Variants in GABRA5 observed in about 807,000 individuals in gnomAD.
GABRA5 encodes the protein gamma-aminobutyric acid receptor subunit alpha-5.
A neutral mutation model predicts 47.3 loss-of-function variants in GABRA5; 18 were observed. The ratio of observed to expected loss-of-function variants is 0.38; its 90% confidence interval spans 0.26 to 0.56. The LOEUF (loss-of-function observed/expected upper bound fraction) is 0.56. Ranked by LOEUF, GABRA5 falls within the 20% of genes least tolerant of loss-of-function variation. The pLI, the probability that GABRA5 is intolerant of heterozygous loss-of-function variation, is 0.71. For synonymous variants in GABRA5, 237 were observed against 229.3 expected (o/e 1.03, Z -0.30); for missense variants, 365 against 599.3 (o/e 0.61, Z 4.08).
intron 6 of GABRA5, among the ~76,000 whole-genome samples, chr15:26,907,647 A>C (rs1893477005): frequency 1.3e-5 from 2 of 152,202 alleles, no homozygotes; most frequent in South Asian, 4.1e-4. Context: ...GAATGGGACC[A>C]GTACACACGT....
intron 10 of GABRA5, among the ~76,000 whole-genome samples, chr15:26,944,080 A>G (rs968198614): frequency 3.9e-5 from 6 of 152,202 alleles, no homozygotes; most frequent in African/African-American, 1.2e-4. Flanking sequence ...CAAACACACA[A>G]ATCTCTGTAT....
At chr15:26,925,042 T>C (rs1003690419) in intron 7 of GABRA5, among the ~76,000 whole-genome samples, 1 of 152,026 alleles carries the variant, frequency 6.6e-6, no homozygotes, top group Non-Finnish European at 1.5e-5. Flanking sequence ...ATATTTATTT[T>C]TAGTGGGAGG....
chr15:26,913,991 G>A (rs1030384898), intron 6 of GABRA5, among the ~76,000 whole-genome samples: 1 of 152,088 alleles, frequency 6.6e-6, no homozygotes, highest in Non-Finnish European at 1.5e-5. Context: ...AACTGAGATG[G>A]TTATAGCACC....
chr15:26,932,908 G>C (rs1187311354), intron 7 of GABRA5, among the ~76,000 whole-genome samples: 1 of 152,122 alleles, frequency 6.6e-6, no homozygotes, highest in African/African-American at 2.4e-5. Flanking sequence ...AGAACAGATG[G>C]ACACAGGGTG....
intron 6 of GABRA5, among the ~76,000 whole-genome samples, chr15:26,908,768 C>G (rs1236474349): frequency 6.6e-6 from 1 of 152,198 alleles, no homozygotes; most frequent in Non-Finnish European, 1.5e-5. Flanking sequence ...AGCTGAGGCA[C>G]AGCATGCTGT....
chr15:26,888,140 G>A (rs1371341774), intron 6 of GABRA5, among the ~76,000 whole-genome samples: 2 of 152,200 alleles, frequency 1.3e-5, no homozygotes, highest in Non-Finnish European at 2.9e-5. Flanking sequence ...CAGTGAGCCC[G>A]AGGCATTTTT....
intron 6 of GABRA5, among the ~76,000 whole-genome samples, chr15:26,911,346 C>G (rs566732105): frequency 6.8e-6 from 1 of 146,406 alleles, no homozygotes; most frequent in African/African-American, 2.5e-5. Flanking sequence ...TTTGTGTACC[C>G]TCCCTGCCCC....
intron 10 of GABRA5, among the ~76,000 whole-genome samples, chr15:26,944,918 A>G (rs997687446): frequency 1.3e-5 from 2 of 152,080 alleles, no homozygotes; most frequent in African/African-American, 4.8e-5. Flanking sequence ...GGGTGAATGG[A>G]GAGAGCACAC....
At chr15:26,893,426 G>GGTGTGTGTATGTA (rs1566870557) in intron 6 of GABRA5, among the ~76,000 whole-genome samples, 31 of 116,242 alleles carry the variant, frequency 2.7e-4, no homozygotes, top group African/African-American at 6.5e-4. Context: ...GTGTGTGTAT[G>GGTGTGTGTATGTA]GTGTGTGGCG....
At chr15:26,909,351 A>G (rs891827404) in intron 6 of GABRA5, among the ~76,000 whole-genome samples, 1 of 152,162 alleles carries the variant, frequency 6.6e-6, no homozygotes, top group Non-Finnish European at 1.5e-5. Context: ...TAAATTCACC[A>G]CATCTGAAAA....
chr15:26,918,123 C>T (rs563852619), intron 7 of GABRA5, among the ~76,000 whole-genome samples: 12 of 151,920 alleles, frequency 7.9e-5, no homozygotes, highest in African/African-American at 1.7e-4. Context: ...TTCTAATTCC[C>T]GAAGGAGTTA....
At chr15:26,930,718 A>C (rs1250289118) in intron 7 of GABRA5, among the ~76,000 whole-genome samples, 1 of 152,028 alleles carries the variant, frequency 6.6e-6, no homozygotes, top group Non-Finnish European at 1.5e-5. Context: ...TAAACAGTCC[A>C]TTCATGAAAA....
rs377291812 is a variant in GABRA5, at chr15:26,943,225, G to A, written c.888G>A (p.Thr296=). 8 of 1,554,062 alleles carry A rather than the reference G, an allele frequency of 5.1e-6. No individual in the cohort carries two copies. The highest frequency in any genetic ancestry group is 2.4e-5 in the South Asian group (2 of 84,190). ...GCCTGACCCCCGCAGGGGTCACCAC[G>A]GTGCTGACCATGACGACCCTCAGCA... The part of the protein sequence containing the change: ...VPARTVFGVT[T]VLTMTTLSIS... Residue 296 remains threonine (T), a synonymous_variant, in exon 10 of 11, where the codon ACG becomes ACA. Coordinates refer to ENST00000335625, the MANE Select transcript of GABRA5 (RefSeq NM_000810.4).
At chr15:26,946,042 C>T (rs1290883293) in intron 10 of GABRA5, among the ~76,000 whole-genome samples, 4 of 152,172 alleles carry the variant, frequency 2.6e-5, no homozygotes, top group African/African-American at 4.8e-5. Flanking sequence ...AGGTGTGGCC[C>T]GCCTCCCTCA....
At chr15:26,916,148 T>A (rs994240289) in intron 7 of GABRA5, among the ~76,000 whole-genome samples, 2 of 152,180 alleles carry the variant, frequency 1.3e-5, no homozygotes, top group Non-Finnish European at 2.9e-5. Flanking sequence ...TTTCATTATA[T>A]ATCCAAGTTG....
chr15:26,885,632 G>C (rs12900204), intron 6 of GABRA5, among the ~76,000 whole-genome samples: 11,680 of 152,268 alleles, frequency 0.077, 733 homozygotes, highest in African/African-American at 0.17. Flanking sequence ...TTGAGCATCA[G>C]TGTCCTTGGA....
chr15:26,943,238 A>T lies in GABRA5; in HGVS notation c.901A>T (p.Thr301Ser). 6.4e-7 allele frequency: 1 copy of T among 1,557,342 alleles called. No homozygotes were observed. Among genetic ancestry groups the T allele is most frequent in the Non-Finnish European group, 8.7e-7 (1 of 1,150,706 alleles). Residue 301 changes from threonine to serine, a missense_variant, in exon 10 of 11, where the codon ACG (threonine) becomes TCG (serine). Thr to Ser is a moderately conservative substitution (Grantham distance 58). Transcript: ENST00000335625. ...AGGGGTCACCACGGTGCTGACCATG[A>T]CGACCCTCAGCATCAGCGCCAGGAA... ...VFGVTTVLTM[T>S]TLSISARNSL...
chr15:26,872,296 C>A (rs111546837), intron 3 of GABRA5, among the ~76,000 whole-genome samples: 5 of 152,290 alleles, frequency 3.3e-5, no homozygotes, highest in African/African-American at 1.2e-4. Flanking sequence ...CTAGGAGCCA[C>A]TGTATGAGCT....
At chr15:26,893,596 C>T (rs900974443) in intron 6 of GABRA5, among the ~76,000 whole-genome samples, 1 of 151,954 alleles carries the variant, frequency 6.6e-6, no homozygotes, top group African/African-American at 2.4e-5. Context: ...GCCTCGTGTC[C>T]TTCCCGCTCG....
Sources: gnomAD v4.1 joint callset for allele counts (sites outside exome capture counted in the v4.1 genomes callset) on GRCh38, gnomAD v4.1.1 for gene constraint, MANE v1.5 for transcripts, NCBI Gene and HGNC (gene_info 2026-07-23, HGNC 2026-07-21) for gene names.